Variants in CDK7 observed in about 807,000 individuals in gnomAD.
The protein encoded by CDK7 is cyclin dependent kinase 7, also known as cyclin-dependent kinase 7.
Under a neutral mutation model 49.1 loss-of-function variants are expected in CDK7, and 25 were observed. That is an observed-to-expected ratio of 0.51 (90% CI 0.37 to 0.71). CDK7 has a LOEUF of 0.71. Among genes scored for constraint, CDK7 ranks in the 30% least tolerant of loss-of-function variants. The probability of loss-of-function intolerance (pLI) is 0.00; values close to 1 mark genes in which losing one functional copy is unlikely to be tolerated. For missense variants in CDK7, 316 were observed against 411.7 expected (o/e 0.77, Z 2.01); for synonymous variants, 107 against 140.0 (o/e 0.76, Z 1.67).
chr5:69,234,992 A>C lies in CDK7; in HGVS notation c.17A>C (p.Lys6Thr), dbSNP rs1196381635. The change falls in exon 1 of 12, where the codon AAG becomes ACG. Residue 6 changes from lysine to threonine, a missense_variant. Coordinates refer to ENST00000256443, the MANE Select transcript of CDK7 (RefSeq NM_001799.4). MALDV[K>T]SRAKRYEKLD... Reference sequence around the variant, plus strand: ...CGGCGCCGGATGGCTCTGGACGTGAAGTCTCGGGCAAAGCGTTATGAGAAG... The same window carrying C: ...CGGCGCCGGATGGCTCTGGACGTGACGTCTCGGGCAAAGCGTTATGAGAAG... 1 of 1,600,592 alleles carries C rather than the reference A, an allele frequency of 6.2e-7. No homozygotes were observed. The highest frequency in any genetic ancestry group is 1.1e-5 in the South Asian group (1 of 88,550).
rs187679164 is a variant in CDK7, at chr5:69,242,318, G to C, written c.126+6865G>C. Among the ~76,000 whole-genome samples the C allele has an allele frequency of 3.9e-5, 6 of 152,228 alleles. No homozygotes were observed. In the East Asian group the frequency reaches 1.2e-3, roughly 29 times the overall value. ...AGGAATGGGGAATGCTGATTGGTTG[G>C]GTCTTGGATAAAATTGTAGAGAGTT... On this transcript the variant is annotated intron_variant, in intron 2 of 11. Coordinates refer to ENST00000256443, the MANE Select transcript of CDK7 (RefSeq NM_001799.4).
intron 5 of CDK7, chr5:69,255,826 CTTT>C (rs200870478): frequency 1.3e-3 from 338 of 255,142 alleles, no homozygotes; most frequent in Middle Eastern, 3.9e-3. Context: ...GATTTGTTTG[CTTT>C]TTTTTTTTTT....
intron 1 of CDK7, 88 bp downstream of exon 1, chr5:69,235,129 G>T: frequency 7.8e-7 from 1 of 1,284,390 alleles, no homozygotes; most frequent in South Asian, 1.3e-5. Flanking sequence ...GGAGGCCAGA[G>T]GTCTGGCTTG....
chr5:69,256,654 T>C (rs1387810779), intron 5 of CDK7, among the ~76,000 whole-genome samples: 1 of 152,180 alleles, frequency 6.6e-6, no homozygotes, highest in African/African-American at 2.4e-5. Flanking sequence ...TTCTTTTAGA[T>C]AAATACCTAG....
chr5:69,264,464 G>A (rs1751017871), intron 8 of CDK7, among the ~76,000 whole-genome samples: 1 of 152,088 alleles, frequency 6.6e-6, no homozygotes, highest in African/African-American at 2.4e-5. Flanking sequence ...AGAATCTCTT[G>A]AGCCCAGCAG....
intron 5 of CDK7, chr5:69,255,868 G>C: frequency 4.0e-6 from 1 of 248,804 alleles, no homozygotes; most frequent in Non-Finnish European, 8.0e-6. Flanking sequence ...TGTTCACCCA[G>C]CCTGGAGTGC....
chr5:69,258,938 C>A (rs1194992945), intron 6 of CDK7, among the ~76,000 whole-genome samples: 2 of 151,956 alleles, frequency 1.3e-5, no homozygotes, highest in African/African-American at 4.8e-5. Context: ...TAGCTGGGTG[C>A]AGTGGTGCAC....
Position 69,255,473 on chromosome 5 carries a change from T to A in CDK7, c.242T>A (p.Phe81Tyr). The part of the protein sequence containing the change: ...HPNIIGLLDA[F>Y]GHKSNISLVF... ...TTAACTTTGCAGCTCCTTGATGCTT[T>A]TGGACATAAATCTAATATTAGCCTT... The change falls in exon 5 of 12, where the codon TTT (phenylalanine) becomes TAT (tyrosine). Residue 81 changes from phenylalanine to tyrosine, a missense_variant. By Grantham distance (22) the Phe-to-Tyr change is conservative (BLOSUM62 3). Transcript: ENST00000256443. 6.4e-7 allele frequency: 1 copy of A among 1,572,154 alleles called. No individual in the cohort carries two copies. Among genetic ancestry groups the A allele is most frequent in the African/African-American group, 1.4e-5 (1 of 73,390 alleles).
rs147193694 is a variant in CDK7 at position 69,257,106 on chromosome 5, T to C, written c.298-937T>C. Among the ~76,000 whole-genome samples the C allele has an allele frequency of 1.6e-3, 242 of 152,286 alleles. 1 individual carries two copies. The highest frequency in any genetic ancestry group is 4.9e-3 in the African/African-American group (204 of 41,566). Reference sequence around the variant, plus strand: ...AGACTATGTATTGAACCATTTCATTTATATGATATTCTGGAAAAGGCAAAA... The same window carrying C: ...AGACTATGTATTGAACCATTTCATTCATATGATATTCTGGAAAAGGCAAAA... On this transcript the variant is annotated intron_variant, in intron 5 of 11. Transcript: ENST00000256443.
At chr5:69,254,348 C>T (rs1480712588) in intron 3 of CDK7, among the ~76,000 whole-genome samples, 2 of 151,610 alleles carry the variant, frequency 1.3e-5, no homozygotes, top group African/African-American at 4.8e-5. Flanking sequence ...ATGGTGAAAC[C>T]CCGCCTTTAC....
chr5:69,236,139 G>A (rs2150176741), intron 2 of CDK7, among the ~76,000 whole-genome samples: 1 of 151,970 alleles, frequency 6.6e-6, no homozygotes, highest in South Asian at 2.1e-4. Context: ...TACTCGGGAG[G>A]CTGAGGCAGG....
At chr5:69,261,171 G>GAGT (rs752517576) in intron 7 of CDK7, among the ~76,000 whole-genome samples, 56 of 152,204 alleles carry the variant, frequency 3.7e-4, no homozygotes, top group Middle Eastern at 3.4e-3. Flanking sequence ...AGATGTCACT[G>GAGT]AGTATAAATC....
intron 9 of CDK7, among the ~76,000 whole-genome samples, chr5:69,270,083 AATT>A (rs1390101344): frequency 2.5e-5 from 2 of 79,658 alleles, no homozygotes. Flanking sequence ...AAAAAAAAAA[AATT>A]AAACTTCTTA....
intron 8 of CDK7, among the ~76,000 whole-genome samples, chr5:69,267,743 G>A (rs1751258019): frequency 6.6e-6 from 1 of 152,068 alleles, no homozygotes; most frequent in South Asian, 2.1e-4. Flanking sequence ...TCAAATTGGA[G>A]TGTGAAATCC....
intron 8 of CDK7, among the ~76,000 whole-genome samples, 162 bp downstream of exon 8, chr5:69,262,466 C>T (rs112347522): frequency 0.01 from 1,532 of 152,004 alleles, 12 homozygotes; most frequent in Middle Eastern, 0.017. Flanking sequence ...GTCAGGAGTT[C>T]GAAGCCAGCC....
At chr5:69,272,247 A>G (rs1165393239) in intron 9 of CDK7, among the ~76,000 whole-genome samples, 2 of 152,088 alleles carry the variant, frequency 1.3e-5, no homozygotes, top group Non-Finnish European at 1.5e-5. Flanking sequence ...TGATTTATGT[A>G]TCTCTCTCTC....
chr5:69,234,975 G>C lies in CDK7; in HGVS notation c.-1G>C. On this transcript the variant is annotated 5_prime_UTR_variant, in exon 1 of 12. Transcript: ENST00000256443. ...GCTGGAGTCGGGCTTTACGGCGCCG[G>C]ATGGCTCTGGACGTGAAGTCTCGGG... is the stretch of plus-strand genomic sequence containing the variant. 6.3e-7 allele frequency: 1 copy of C among 1,594,092 alleles called. No individual in the cohort carries two copies. The highest frequency in any genetic ancestry group is 1.1e-5 in the South Asian group (1 of 87,790).
intron 2 of CDK7, among the ~76,000 whole-genome samples, chr5:69,235,670 T>G (rs1455134558): frequency 6.6e-6 from 1 of 152,242 alleles, no homozygotes; most frequent in Non-Finnish European, 1.5e-5. Context: ...AAGCTGTATG[T>G]TATTTTTACT....
At chr5:69,250,778 G>A (rs554954110) in intron 2 of CDK7, 4 of 456,612 alleles carry the variant, frequency 8.8e-6, no homozygotes, top group African/African-American at 8.0e-5. Context: ...AGCTGTGAAT[G>A]TGCTGTGTCA....
Sources: allele counts gnomAD v4.1 joint callset (sites outside exome capture counted in the v4.1 genomes callset), GRCh38; gene constraint gnomAD v4.1.1; transcripts MANE v1.5; gene names NCBI Gene and HGNC (gene_info 2026-07-23, HGNC 2026-07-21).